C8orf34: variants seen among roughly 807,000 people sequenced by gnomAD.
C8orf34 encodes chromosome 8 open reading frame 34.
C8orf34 carries 65 observed loss-of-function variants against 68.3 expected under a neutral mutation model. The observed-to-expected ratio is 0.95, with a 90% CI of 0.78 to 1.17. The LOEUF (loss-of-function observed/expected upper bound fraction) is 1.17. Ranked by LOEUF, C8orf34 falls within the 50% of genes most tolerant of loss-of-function variation. C8orf34 has a pLI of 0.00. For synonymous variants in C8orf34, 244 were observed against 241.2 expected (o/e 1.01, Z -0.11); for missense variants, 664 against 655.4 (o/e 1.01, Z -0.14).
At chr8:68,668,478 T>C (rs1275970011) in intron 8 of C8orf34, among the ~76,000 whole-genome samples, 1 of 152,034 alleles carries the variant, frequency 6.6e-6, no homozygotes, top group Non-Finnish European at 1.5e-5. Flanking sequence ...ACTGACATGG[T>C]AGAAAAATGG....
intron 7 of C8orf34, among the ~76,000 whole-genome samples, chr8:68,620,188 C>A (rs1818346574): frequency 6.6e-6 from 1 of 152,120 alleles, no homozygotes; most frequent in South Asian, 2.1e-4. Flanking sequence ...TCCTATGTGA[C>A]AGGGAGGAGC....
chr8:68,585,186 A>C (rs186081979), intron 7 of C8orf34, among the ~76,000 whole-genome samples: 48 of 152,302 alleles, frequency 3.2e-4, no homozygotes, highest in African/African-American at 1.2e-3. Flanking sequence ...ACTGAGCAAA[A>C]TGTTAAAAAA....
chr8:68,542,010 G>T (rs940595268), intron 7 of C8orf34, among the ~76,000 whole-genome samples: 1 of 152,018 alleles, frequency 6.6e-6, no homozygotes, highest in Non-Finnish European at 1.5e-5. Context: ...TATTAGGTGG[G>T]TGCAAAAGAA....
intron 7 of C8orf34, among the ~76,000 whole-genome samples, chr8:68,562,698 T>A (rs1488599733): frequency 6.6e-6 from 1 of 152,182 alleles, no homozygotes; most frequent in Non-Finnish European, 1.5e-5. Flanking sequence ...GAGAAAAGCA[T>A]TTTGGGCAAA....
At chr8:68,782,710 C>T (rs1201138893) in intron 11 of C8orf34, among the ~76,000 whole-genome samples, 1 of 152,072 alleles carries the variant, frequency 6.6e-6, no homozygotes, top group Non-Finnish European at 1.5e-5. Context: ...ATTAAAAGGC[C>T]ATTTTCAAGA....
At position 68,640,446 on chromosome 8, in the gene C8orf34, C is replaced by T; in HGVS notation, c.1176C>T (p.Gly392=). Residue 392 remains glycine, a synonymous_variant, in exon 8 of 14, where the codon GGC becomes GGT. Coordinates refer to ENST00000518698, the MANE Select transcript of C8orf34 (RefSeq NM_052958.4). ...CTTCTGGGAGCAAATTTAACCAAGG[C>T]CGTCCTACTTACCCTGCTGAGCCTC... ...LVPSGSKFNQ[G]RPTYPAEPQA... 1 of 1,613,856 alleles carries T rather than the reference C, an allele frequency of 6.2e-7. No homozygotes were observed. Among genetic ancestry groups the T allele is most frequent in the Non-Finnish European group, 8.5e-7 (1 of 1,179,864 alleles).
At chr8:68,497,245 G>GA (rs769860052) in intron 5 of C8orf34, among the ~76,000 whole-genome samples, 3 of 152,178 alleles carry the variant, frequency 2.0e-5, no homozygotes, top group East Asian at 1.9e-4. Flanking sequence ...GTTGTTTATA[G>GA]AAAAAAATCC....
At chr8:68,510,439 CAGG>C (rs1814216668) in intron 5 of C8orf34, among the ~76,000 whole-genome samples, 1 of 152,192 alleles carries the variant, frequency 6.6e-6, no homozygotes, top group Admixed American at 6.5e-5. Context: ...AATATTAACC[CAGG>C]TTTTTACATT....
chr8:68,331,497 C>T lies in C8orf34; in HGVS notation c.327+158C>T. 7.2e-6 allele frequency: 6 copies of T among 830,042 alleles called. No homozygotes were observed. The South Asian group carries it at 9.2e-5, about 13-fold the overall frequency. The allele number at this position is 830,042 out of a possible 1,614,324, so 51.4% of individuals were successfully genotyped here. A position where few individuals can be genotyped will look rare whatever the true frequency, so the allele number is the denominator to read the frequency against. On this transcript the variant is annotated intron_variant, in intron 1 of 13. Transcript: ENST00000518698. ...TGGGATTCACTGGCATTCGCTCTGT[C>T]CCGGCCAGGTGTCCTGGAACGCGGC...
intron 1 of C8orf34, among the ~76,000 whole-genome samples, chr8:68,400,927 T>C (rs1808924072): frequency 6.6e-6 from 1 of 152,192 alleles, no homozygotes; most frequent in Non-Finnish European, 1.5e-5. Context: ...GATGTTGGTG[T>C]TTTCATAGAG....
rs2130746912 is a variant in C8orf34, at chr8:68,643,324, A to G, written c.1241+2813A>G. ...AAAATTGTGAGAATTATACTTTCTAAGCAGGGCTGAGCAATTATCAGAGGC... is the reference window on the plus strand; with the variant it reads ...AAAATTGTGAGAATTATACTTTCTAGGCAGGGCTGAGCAATTATCAGAGGC... On this transcript the variant is annotated intron_variant, in intron 8 of 13. Coordinates refer to ENST00000518698, the MANE Select transcript of C8orf34 (RefSeq NM_052958.4). Among the ~76,000 whole-genome samples, 3 of 152,302 alleles carry G rather than the reference A, an allele frequency of 2.0e-5. No homozygotes were observed. In the South Asian group the frequency reaches 6.2e-4, roughly 32 times the overall value.
At chr8:68,726,838 T>A (rs902376142) in intron 10 of C8orf34, among the ~76,000 whole-genome samples, 20 of 100,890 alleles carry the variant, frequency 2.0e-4, no homozygotes, top group African/African-American at 8.5e-4. Context: ...TTGGCCCCCA[T>A]GATTCAATAA....
intron 1 of C8orf34, among the ~76,000 whole-genome samples, chr8:68,402,239 T>C (rs934201182): frequency 1.3e-5 from 2 of 152,108 alleles, no homozygotes; most frequent in East Asian, 3.9e-4. Flanking sequence ...ATTTGCAGGG[T>C]ATCAGTTGTA....
intron 2 of C8orf34, among the ~76,000 whole-genome samples, chr8:68,443,859 A>C (rs1352352065): frequency 6.6e-6 from 1 of 152,168 alleles, no homozygotes; most frequent in African/African-American, 2.4e-5. Flanking sequence ...CTATCATTTA[A>C]TATTGTGGAG....
At chr8:68,723,290 C>T (rs1037825103) in intron 10 of C8orf34, among the ~76,000 whole-genome samples, 1 of 151,976 alleles carries the variant, frequency 6.6e-6, no homozygotes, top group African/African-American at 2.4e-5. Flanking sequence ...CGAGCATGTC[C>T]CAAATGAGAC....
chr8:68,434,460 G>A (rs1415982955), intron 1 of C8orf34, among the ~76,000 whole-genome samples: 1 of 152,098 alleles, frequency 6.6e-6, no homozygotes, highest in African/African-American at 2.4e-5. Context: ...CTTCGTACAT[G>A]TCACTGCAAA....
chr8:68,710,933 C>T (rs1302211845), intron 9 of C8orf34, among the ~76,000 whole-genome samples: 1 of 152,196 alleles, frequency 6.6e-6, no homozygotes, highest in Admixed American at 6.5e-5. Context: ...CTGCTACCTC[C>T]CCCGGGGAAG....
At chr8:68,727,022 A>T (rs1821850313) in intron 10 of C8orf34, among the ~76,000 whole-genome samples, 1 of 152,146 alleles carries the variant, frequency 6.6e-6, no homozygotes. Context: ...CCAAAGTCTT[A>T]ACTAATTTCA....
chr8:68,538,310 C>G (rs1056816813), intron 7 of C8orf34, among the ~76,000 whole-genome samples: 1 of 152,134 alleles, frequency 6.6e-6, no homozygotes, highest in Non-Finnish European at 1.5e-5. Context: ...CCAGCTTATA[C>G]TCTAATGACC....
Sources: allele counts gnomAD v4.1 joint callset (sites outside exome capture counted in the v4.1 genomes callset), GRCh38; gene constraint gnomAD v4.1.1; transcripts MANE v1.5; gene names NCBI Gene and HGNC (gene_info 2026-07-23, HGNC 2026-07-21).